The following MCHR2 variants were observed in gnomAD, a reference collection of about 807,000 sequenced individuals.
MCHR2 encodes melanin concentrating hormone receptor 2.
A neutral mutation model predicts 24.8 loss-of-function variants in MCHR2; 15 were observed. The observed-to-expected ratio is 0.60, with a 90% CI of 0.40 to 0.93. The LOEUF (loss-of-function observed/expected upper bound fraction) is 0.93, where lower values mean the gene tolerates loss of function less well. MCHR2 is among the 40% of genes least tolerant of loss of function. The pLI is 0.00. For missense variants in MCHR2, 386 were observed against 408.7 expected (o/e 0.94, Z 0.48); for synonymous variants, 151 against 147.6 (o/e 1.02, Z -0.17).
At chr6:99,951,700 T>C (rs756653624) in intron 2 of MCHR2, among the ~76,000 whole-genome samples, 8 of 152,044 alleles carry the variant, frequency 5.3e-5, no homozygotes, top group Non-Finnish European at 1.2e-4. Context: ...CTTGGAATGG[T>C]AGAGGGCTGG....
chr6:99,941,392 C>T (rs1325795862), intron 4 of MCHR2, among the ~76,000 whole-genome samples: 1 of 151,896 alleles, frequency 6.6e-6, no homozygotes, highest in Non-Finnish European at 1.5e-5. Context: ...GGAGTGGGGG[C>T]ATTCAGTCAG....
At chr6:99,951,750 G>GA (rs1774969646) in intron 2 of MCHR2, among the ~76,000 whole-genome samples, 1 of 151,986 alleles carries the variant, frequency 6.6e-6, no homozygotes, top group African/African-American at 2.4e-5. Flanking sequence ...TCTGGGTGGG[G>GA]AAAAAAGAGA....
intron 3 of MCHR2, among the ~76,000 whole-genome samples, chr6:99,945,474 C>G (rs953750452): frequency 6.6e-6 from 1 of 152,090 alleles, no homozygotes; most frequent in Non-Finnish European, 1.5e-5. Flanking sequence ...ACTAAATATT[C>G]TACACACTTG....
chr6:99,931,553 C>G (rs1442662977), intron 5 of MCHR2, among the ~76,000 whole-genome samples: 3 of 152,170 alleles, frequency 2.0e-5, no homozygotes, highest in Non-Finnish European at 4.4e-5. Context: ...GCGGGCAACC[C>G]TCCCCCACCC....
At chr6:99,954,172 C>T (rs1332018701) in intron 2 of MCHR2, among the ~76,000 whole-genome samples, 2 of 152,004 alleles carry the variant, frequency 1.3e-5, no homozygotes, top group Non-Finnish European at 2.9e-5. Context: ...GCCTTGGATT[C>T]GGAATAAATC....
intron 1 of MCHR2, among the ~76,000 whole-genome samples, chr6:99,978,759 C>T (rs1264887122): frequency 6.6e-6 from 1 of 152,060 alleles, no homozygotes; most frequent in Non-Finnish European, 1.5e-5. Context: ...ATTGGCCCTC[C>T]CTGAAAGAGG....
At chr6:99,991,739 G>A (rs925259336) in intron 1 of MCHR2, among the ~76,000 whole-genome samples, 13 of 144,986 alleles carry the variant, frequency 9.0e-5, no homozygotes, top group East Asian at 6.0e-4. Context: ...CCCGGGAGGC[G>A]GAGCTTGCAG....
chr6:99,987,259 C>T (rs991149136), intron 1 of MCHR2, among the ~76,000 whole-genome samples: 1 of 152,128 alleles, frequency 6.6e-6, no homozygotes, highest in African/African-American at 2.4e-5. Context: ...TGCCACTGCA[C>T]CCGGCTAATC....
rs983526693 is a variant in MCHR2, at chr6:99,955,428, G to A, written c.182+538C>T. On this transcript the variant is annotated intron_variant, in intron 2 of 5. Transcript: ENST00000281806. ...TTTATATAGGCTGGTCTACACCAAA[G>A]GGAACAGCCCACTACCTATGACTTC... 2.0e-5 allele frequency among the ~76,000 whole-genome samples: 3 copies of A among 152,228 alleles called. No individual in the cohort carries two copies. In the East Asian group the frequency reaches 5.8e-4, roughly 29 times the overall value.
At chr6:99,927,817 A>T (rs185354930) in intron 5 of MCHR2, among the ~76,000 whole-genome samples, 152 of 152,276 alleles carry the variant, frequency 1.0e-3, no homozygotes, top group African/African-American at 3.4e-3. Flanking sequence ...TCCTAATTGA[A>T]TACACTTTAT....
At position 99,925,032 on chromosome 6, in the gene MCHR2, ATC is replaced by A. The variant is rs751926490; in HGVS notation, c.708-3779_708-3778del. On this transcript the variant is annotated intron_variant, in intron 5 of 5. Transcript: ENST00000281806. ...TCCAGCTACTATTATATTGGGGCCT[ATC>A]TCTCTCTTTAATTCTAATAATATTT... is the stretch of plus-strand genomic sequence containing the variant. Among the ~76,000 whole-genome samples the A allele has an allele frequency of 5.9e-5, 9 of 152,190 alleles. No individual in the cohort carries two copies. The East Asian group carries it at 1.7e-3, about 29-fold the overall frequency.
chr6:99,973,579 G>T (rs1045351209), intron 1 of MCHR2, among the ~76,000 whole-genome samples: 1 of 152,130 alleles, frequency 6.6e-6, no homozygotes, highest in Non-Finnish European at 1.5e-5. Flanking sequence ...AGTTAATATT[G>T]TTATGTGTGA....
intron 2 of MCHR2, among the ~76,000 whole-genome samples, chr6:99,953,712 C>A (rs1775008674): frequency 6.6e-6 from 1 of 150,876 alleles, no homozygotes; most frequent in Non-Finnish European, 1.5e-5. Flanking sequence ...TTTTCATAAA[C>A]CCTAGGGCAA....
At chr6:99,948,308 C>T (rs574248097) in intron 2 of MCHR2, among the ~76,000 whole-genome samples, 61 of 152,144 alleles carry the variant, frequency 4.0e-4, no homozygotes, top group Admixed American at 7.9e-4. Context: ...GAAATTAGGT[C>T]ACAAAATTTT....
In MCHR2 at chr6:99,925,887, G is replaced by A. The variant is rs1461266646; in HGVS notation, c.708-4632C>T. On this transcript the variant is annotated intron_variant, in intron 5 of 5. Coordinates refer to ENST00000281806, the MANE Select transcript of MCHR2 (RefSeq NM_001040179.2). ...TTAGGGTACATGTGCACAATGTGCA[G>A]GTTAGTTACATATGTATACATGTGC... 1.3e-5 allele frequency among the ~76,000 whole-genome samples: 2 copies of A among 151,108 alleles called. 1 individual carries two copies. Among genetic ancestry groups the A allele is most frequent in the African/African-American group, 4.9e-5 (2 of 41,204 alleles).
intron 2 of MCHR2, among the ~76,000 whole-genome samples, chr6:99,948,264 A>T (rs1582385922): frequency 6.6e-6 from 1 of 152,130 alleles, no homozygotes; most frequent in Non-Finnish European, 1.5e-5. Context: ...GCTTCTAACA[A>T]TGAGAATATG....
At chr6:99,982,136 C>T (rs1395233638) in intron 1 of MCHR2, among the ~76,000 whole-genome samples, 1 of 152,026 alleles carries the variant, frequency 6.6e-6, no homozygotes, top group Non-Finnish European at 1.5e-5. Context: ...CTCCTCACAG[C>T]TTCATTGCTT....
intron 1 of MCHR2, among the ~76,000 whole-genome samples, chr6:99,961,689 C>A (rs1775192183): frequency 1.3e-5 from 2 of 152,024 alleles, no homozygotes; most frequent in South Asian, 4.2e-4. Flanking sequence ...GGGGACATCA[C>A]ACACCAGGGC....
At chr6:99,964,518 G>A (rs978968218) in intron 1 of MCHR2, among the ~76,000 whole-genome samples, 33 of 151,988 alleles carry the variant, frequency 2.2e-4, no homozygotes, top group African/African-American at 7.0e-4. Flanking sequence ...TTCTTCACAG[G>A]GTGGCAGGAT....
Sources: allele counts gnomAD v4.1 joint callset (sites outside exome capture counted in the v4.1 genomes callset), GRCh38; gene constraint gnomAD v4.1.1; transcripts MANE v1.5; gene names NCBI Gene and HGNC (gene_info 2026-07-23, HGNC 2026-07-21).